Variants in RCN3 observed in about 807,000 individuals in gnomAD.
RCN3 encodes the protein reticulocalbin-3.
RCN3 carries 41 observed loss-of-function variants against 35.9 expected under a neutral mutation model. That is an observed-to-expected ratio of 1.14 (90% confidence interval 0.89 to 1.48). The LOEUF (loss-of-function observed/expected upper bound fraction) is 1.48. Ranked by LOEUF, RCN3 falls within the 40% of genes most tolerant of loss-of-function variation. The pLI is 0.00. For synonymous variants in RCN3, 187 were observed against 193.4 expected (o/e 0.97, Z 0.27); for missense variants, 451 against 471.3 (o/e 0.96, Z 0.40).
In RCN3 at chr19:49,542,703, AGCCCCT is replaced by A. The variant is rs1172897516; in HGVS notation, c.832_837del (p.Pro278_Leu279del). On this transcript the variant is annotated inframe_deletion, in exon 6 of 7. Coordinates refer to ENST00000270645, the MANE Select transcript of RCN3 (RefSeq NM_020650.3). Reference sequence around the variant, plus strand: ...TGGGTGCTGCCCCCTGCCCAGGACCAGCCCCTGGTGGAAGCCAACCACCTGCTGCAC... The same window carrying A: ...TGGGTGCTGCCCCCTGCCCAGGACCAGGTGGAAGCCAACCACCTGCTGCAC... The A allele has an allele frequency of 6.3e-7, 1 of 1,596,454 alleles. No individual in the cohort carries two copies. The highest frequency in any genetic ancestry group is 8.5e-7 in the Non-Finnish European group (1 of 1,173,114).
chr19:49,536,709 A>G (rs902188022), intron 3 of RCN3, among the ~76,000 whole-genome samples: 3 of 151,178 alleles, frequency 2.0e-5, no homozygotes, highest in Non-Finnish European at 4.4e-5. Context: ...CCTGGGTTCA[A>G]TCGACTCTTG....
In RCN3 at chr19:49,528,200, G is replaced by A. The variant is rs144734646; in HGVS notation, c.-7+142G>A. On this transcript the variant is annotated intron_variant, in intron 1 of 6. Coordinates refer to ENST00000270645, the MANE Select transcript of RCN3 (RefSeq NM_020650.3). ...GCCCTGCACCTTGCGTGGGATGTGCGCCACGTCTGTCTCTGTAATTCCCCC... is the reference window on the plus strand; with the variant it reads ...GCCCTGCACCTTGCGTGGGATGTGCACCACGTCTGTCTCTGTAATTCCCCC... 5.8e-4 allele frequency: 231 copies of A among 401,654 alleles called. 1 individual carries two copies. Among genetic ancestry groups the A allele is most frequent in the African/African-American group, 4.3e-3 (208 of 48,622 alleles). The allele number at this position is 401,654 out of a possible 1,614,324, so 24.9% of individuals were successfully genotyped here.
intron 4 of RCN3, among the ~76,000 whole-genome samples, chr19:49,537,600 G>A (rs1003750729): frequency 2.0e-5 from 3 of 151,866 alleles, no homozygotes; most frequent in East Asian, 3.9e-4. Flanking sequence ...TCCGCCTCCC[G>A]GGTTCAAGCA....
chr19:49,537,249 G>T (rs45518331), intron 4 of RCN3, 44 bp downstream of exon 4: 2 of 1,415,152 alleles, frequency 1.4e-6, no homozygotes, highest in South Asian at 1.6e-5. Flanking sequence ...CCCTTCCGGG[G>T]ACCCAGGCTT....
intron 2 of RCN3, among the ~76,000 whole-genome samples, chr19:49,533,625 G>T (rs1041302798): frequency 2.0e-5 from 3 of 151,994 alleles, no homozygotes; most frequent in Non-Finnish European, 2.9e-5. Flanking sequence ...CCGGGAGCAG[G>T]CAGGGGAAAG....
At position 49,534,401 on chromosome 19, in the gene RCN3, C is replaced by T. The variant is rs1175114750; in HGVS notation, c.445+6C>T. ...CTATGGCCACTACGCGCCCGGTACGCGGCGAGCCCCCGACCCTGCTCCCCA... is the reference window on the plus strand; with the variant it reads ...CTATGGCCACTACGCGCCCGGTACGTGGCGAGCCCCCGACCCTGCTCCCCA... On this transcript the variant is annotated splice_donor_region_variant and intron_variant, in intron 3 of 6. Coordinates refer to ENST00000270645, the MANE Select transcript of RCN3 (RefSeq NM_020650.3). The T allele has an allele frequency of 7.2e-6, 11 of 1,536,896 alleles. No homozygotes were observed. Among genetic ancestry groups the T allele is most frequent in the Non-Finnish European group, 9.6e-6 (11 of 1,144,964 alleles).
rs540086681 is a variant in RCN3, at chr19:49,539,777, C to T, written c.679+598C>T. On this transcript the variant is annotated intron_variant, in intron 5 of 6. Coordinates refer to ENST00000270645, the MANE Select transcript of RCN3 (RefSeq NM_020650.3). Reference sequence around the variant, plus strand: ...TTTTTCTGTTGCTCAGGCTGGAGCGCGGTGGCGTGGTATCGGCTCTCTGCA... The same window carrying T: ...TTTTTCTGTTGCTCAGGCTGGAGCGTGGTGGCGTGGTATCGGCTCTCTGCA... Among the ~76,000 whole-genome samples the T allele has an allele frequency of 3.1e-4, 44 of 143,312 alleles. No homozygotes were observed. The South Asian group carries it at 4.1e-3, about 13-fold the overall frequency. 94.0% of individuals were successfully genotyped at this position (143,312 alleles called of 152,430 possible). A position where few individuals can be genotyped will look rare whatever the true frequency, so the allele number is the denominator to read the frequency against.
chr19:49,539,227 A>T (rs766863802), intron 5 of RCN3, 48 bp downstream of exon 5: 1 of 1,516,154 alleles, frequency 6.6e-7, no homozygotes, highest in South Asian at 1.2e-5. Context: ...TCTCTCAGGC[A>T]TGGGCAGGGT....
In RCN3 at chr19:49,528,605, C is replaced by T; in HGVS notation, c.133C>T (p.His45Tyr). The T allele has an allele frequency of 6.2e-7, 1 of 1,611,774 alleles. No homozygotes were observed. The highest frequency in any genetic ancestry group is 1.1e-5 in the South Asian group (1 of 90,654). ...HQAAPLSDAPHDDAHGNFQYD... is the reference protein window; with the variant it reads ...HQAAPLSDAPYDDAHGNFQYD... ...GGCGGCCCCCCTGAGCGACGCTCCC[C>T]ATGATGACGCCCACGGGAACTTCCA... The change falls in exon 2 of 7, where the codon CAT becomes TAT. Residue 45 changes from histidine to tyrosine, a missense_variant. Physicochemically the swap from His to Tyr is moderately conservative, Grantham distance 83 (BLOSUM62 2). Coordinates refer to ENST00000270645, the MANE Select transcript of RCN3 (RefSeq NM_020650.3).
At chr19:49,536,280 C>T (rs2080134652) in intron 3 of RCN3, among the ~76,000 whole-genome samples, 2 of 146,648 alleles carry the variant, frequency 1.4e-5, no homozygotes, top group Admixed American at 1.4e-4. Flanking sequence ...GCCACCGCAC[C>T]CGGCCTACTT....
chr19:49,538,615 A>AC (rs2080148248), intron 4 of RCN3, among the ~76,000 whole-genome samples: 1 of 152,086 alleles, frequency 6.6e-6, no homozygotes, highest in South Asian at 2.1e-4. Context: ...CCCAGCCCAC[A>AC]GTCTTATAGT....
At chr19:49,532,311 T>A (rs1442027782) in intron 2 of RCN3, among the ~76,000 whole-genome samples, 1 of 151,646 alleles carries the variant, frequency 6.6e-6, no homozygotes, top group Non-Finnish European at 1.5e-5. Flanking sequence ...TTCACCATGT[T>A]AGCCAGGATG....
rs765117151 is a variant in RCN3, at chr19:49,537,214, C to A, written c.618+9C>A. 2.0e-6 allele frequency: 3 copies of A among 1,494,168 alleles called. No homozygotes were observed. The highest frequency in any genetic ancestry group is 1.3e-5 in the South Asian group (1 of 76,552). 92.6% of individuals were successfully genotyped at this position (1,494,168 alleles called of 1,614,324 possible). A position where few individuals can be genotyped will look rare whatever the true frequency, so the allele number is the denominator to read the frequency against. On this transcript the variant is annotated intron_variant, in intron 4 of 6. Transcript: ENST00000270645. ...GGGACATCGTGATTGCTGTGAGTGG[C>A]GGCTGGGGAACCCTGTCCCCCACAC...
chr19:49,530,020 C>T (rs772304356), intron 2 of RCN3, among the ~76,000 whole-genome samples: 3 of 152,034 alleles, frequency 2.0e-5, no homozygotes, highest in Admixed American at 6.6e-5. Context: ...GACGTGATCT[C>T]GGCTCAGTGG....
intron 5 of RCN3, among the ~76,000 whole-genome samples, chr19:49,540,413 C>A (rs1218142654): frequency 1.3e-5 from 2 of 151,968 alleles, no homozygotes; most frequent in Non-Finnish European, 2.9e-5. Context: ...ATGGATGGAT[C>A]ATGAAGTCAG....
chr19:49,528,412 C>G, intron 1 of RCN3, 55 bp from the exon 2 acceptor site: 1 of 1,431,040 alleles, frequency 7.0e-7, no homozygotes, highest in Non-Finnish European at 9.2e-7. Context: ...TTCTCCTATC[C>G]CGTGTCTGTC....
intron 5 of RCN3, among the ~76,000 whole-genome samples, chr19:49,539,948 C>T (rs1241450697): frequency 6.6e-6 from 1 of 152,024 alleles, no homozygotes; most frequent in Non-Finnish European, 1.5e-5. Flanking sequence ...GTCTAGAACT[C>T]CCAACCTCAG....
chr19:49,533,022 G>A (rs988749843), intron 2 of RCN3, among the ~76,000 whole-genome samples: 1 of 152,176 alleles, frequency 6.6e-6, no homozygotes, highest in Admixed American at 6.6e-5. Context: ...CCCCACAACC[G>A]CCCTTTTGGG....
Position 49,529,842 on chromosome 19 carries a change from C to T in RCN3, c.242+1128C>T, listed in dbSNP as rs1188499230. Among the ~76,000 whole-genome samples, 3 of 152,014 alleles carry T rather than the reference C, an allele frequency of 2.0e-5. No individual in the cohort carries two copies. In the East Asian group the frequency reaches 5.8e-4, roughly 29 times the overall value. On this transcript the variant is annotated intron_variant, in intron 2 of 6. Transcript: ENST00000270645. Reference sequence around the variant, plus strand: ...TGCGATCTCGGCTCACTGCAACCTCCACCTCCTGGGCTCAAGCAATTGTCC... The same window carrying T: ...TGCGATCTCGGCTCACTGCAACCTCTACCTCCTGGGCTCAAGCAATTGTCC...
Sources: allele counts gnomAD v4.1 joint callset (sites outside exome capture counted in the v4.1 genomes callset), GRCh38; gene constraint gnomAD v4.1.1; transcripts MANE v1.5; gene names NCBI Gene and HGNC (gene_info 2026-07-23, HGNC 2026-07-21).